The following CCSER1 variants were observed in gnomAD, a reference collection of about 807,000 sequenced individuals.
CCSER1 encodes coiled-coil serine rich protein 1, also known as serine-rich coiled-coil domain-containing protein 1.
A neutral mutation model predicts 82.0 loss-of-function variants in CCSER1; 41 were observed. That is an observed-to-expected ratio of 0.50 (90% CI 0.39 to 0.65). The LOEUF (loss-of-function observed/expected upper bound fraction) is 0.65. CCSER1 is among the 30% of genes least tolerant of loss of function. The pLI, the probability that CCSER1 is intolerant of heterozygous loss-of-function variation, is 0.00. For missense variants in CCSER1, 1,119 were observed against 1,064.2 expected (o/e 1.05, Z -0.72); for synonymous variants, 414 against 383.9 (o/e 1.08, Z -0.92).
At chr4:91,334,607 G>T (rs1747193180) in intron 10 of CCSER1, among the ~76,000 whole-genome samples, 1 of 151,866 alleles carries the variant, frequency 6.6e-6, no homozygotes, top group Non-Finnish European at 1.5e-5. Flanking sequence ...AAACATGGTG[G>T]TAGAGAACAC....
chr4:90,863,099 C>T (rs1410731239), intron 8 of CCSER1, among the ~76,000 whole-genome samples: 3 of 151,326 alleles, frequency 2.0e-5, no homozygotes, highest in Non-Finnish European at 4.4e-5. Flanking sequence ...CTCCCCCCAC[C>T]CCACAACAGT....
chr4:91,277,626 A>G (rs1235252537), intron 10 of CCSER1, among the ~76,000 whole-genome samples: 1 of 151,130 alleles, frequency 6.6e-6, no homozygotes, highest in African/African-American at 2.4e-5. Flanking sequence ...CTTTTTTAAA[A>G]AACAACTTTT....
At chr4:90,251,202 T>G (rs1722315483) in intron 1 of CCSER1, among the ~76,000 whole-genome samples, 1 of 151,932 alleles carries the variant, frequency 6.6e-6, no homozygotes, top group Non-Finnish European at 1.5e-5. Context: ...ATTCCTTTAT[T>G]TTATTTAAGT....
intron 9 of CCSER1, among the ~76,000 whole-genome samples, chr4:90,993,777 T>C (rs1737247437): frequency 6.6e-6 from 1 of 152,028 alleles, no homozygotes; most frequent in Admixed American, 6.6e-5. Flanking sequence ...AATTACTTCC[T>C]AGAAGTACCC....
intron 10 of CCSER1, among the ~76,000 whole-genome samples, chr4:91,122,871 T>C (rs561304623): frequency 1.3e-5 from 2 of 151,906 alleles, no homozygotes; most frequent in South Asian, 4.1e-4. Flanking sequence ...AAATTTCATC[T>C]TGAAGGAAGA....
chr4:90,979,717 C>T (rs1268533527), intron 9 of CCSER1, among the ~76,000 whole-genome samples: 1 of 151,786 alleles, frequency 6.6e-6, no homozygotes, highest in Non-Finnish European at 1.5e-5. Flanking sequence ...TTGTGGAAGG[C>T]ATGGCCATTG....
In CCSER1 at chr4:90,884,881, A is replaced by G. The variant is rs192845226; in HGVS notation, c.2095-38489A>G. ...TGAAGCAATGGGCAGATAAAGAAGG[A>G]TGATTTTTGAAATATAGGCAATAGA... On this transcript the variant is annotated intron_variant, in intron 8 of 10. Coordinates refer to ENST00000509176, the MANE Select transcript of CCSER1 (RefSeq NM_001145065.2). Among the ~76,000 whole-genome samples the G allele has an allele frequency of 6.3e-4, 96 of 152,228 alleles. 4 individuals are homozygous for G. In the East Asian group the frequency reaches 0.014, roughly 22 times the overall value.
intron 6 of CCSER1, among the ~76,000 whole-genome samples, chr4:90,710,044 G>A (rs528005547): frequency 6.6e-6 from 1 of 150,920 alleles, no homozygotes; most frequent in South Asian, 2.1e-4. Flanking sequence ...GATCAGTGAT[G>A]TTGAGCTTTT....
At chr4:91,121,058 T>G (rs184857135) in intron 10 of CCSER1, among the ~76,000 whole-genome samples, 1 of 151,886 alleles carries the variant, frequency 6.6e-6, no homozygotes, top group Non-Finnish European at 1.5e-5. Flanking sequence ...ACAGTTTCAA[T>G]TGGAAAATTT....
intron 5 of CCSER1, among the ~76,000 whole-genome samples, chr4:90,480,962 T>C (rs1765853432): frequency 3.3e-5 from 5 of 152,142 alleles, no homozygotes; most frequent in South Asian, 2.1e-4. Context: ...TATAAATTAG[T>C]TTGGGCAGTA....
At chr4:90,552,785 G>T (rs890144678) in intron 5 of CCSER1, among the ~76,000 whole-genome samples, 1 of 151,964 alleles carries the variant, frequency 6.6e-6, no homozygotes, top group Non-Finnish European at 1.5e-5. Flanking sequence ...AGCTTTTTGC[G>T]TACTAGTCTT....
At chr4:90,861,435 C>A (rs1341461685) in intron 8 of CCSER1, among the ~76,000 whole-genome samples, 1 of 151,636 alleles carries the variant, frequency 6.6e-6, no homozygotes, top group African/African-American at 2.4e-5. Context: ...TAGGATTATA[C>A]TTATTTTGCT....
At chr4:91,176,541 T>G (rs1408045536) in intron 10 of CCSER1, among the ~76,000 whole-genome samples, 1 of 152,194 alleles carries the variant, frequency 6.6e-6, no homozygotes, top group Non-Finnish European at 1.5e-5. Flanking sequence ...TCACATCCCT[T>G]GTAAGTTGGA....
At chr4:90,453,598 G>T (rs1761776107) in intron 4 of CCSER1, among the ~76,000 whole-genome samples, 1 of 152,072 alleles carries the variant, frequency 6.6e-6, no homozygotes, top group African/African-American at 2.4e-5. Context: ...GTTAATATTG[G>T]TCTCTACTAT....
intron 1 of CCSER1, among the ~76,000 whole-genome samples, chr4:90,150,619 C>T (rs540268058): frequency 6.9e-4 from 105 of 152,216 alleles, no homozygotes; most frequent in African/African-American, 2.5e-3. Context: ...TTATCAATGT[C>T]CTAAATGTAA....
chr4:91,014,945 A>G lies in CCSER1; in HGVS notation c.2173-71005A>G, dbSNP rs561012508. 5.9e-5 allele frequency among the ~76,000 whole-genome samples: 9 copies of G among 152,294 alleles called. No homozygotes were observed. In the East Asian group the frequency reaches 1.7e-3, roughly 29 times the overall value. On this transcript the variant is annotated intron_variant, in intron 9 of 10. Coordinates refer to ENST00000509176, the MANE Select transcript of CCSER1 (RefSeq NM_001145065.2). ...GAGAGAATCAAACCCATAGTTTATT[A>G]CAGTGGAAATTGTGCAGATAAATTA...
intron 4 of CCSER1, among the ~76,000 whole-genome samples, chr4:90,411,145 CA>C (rs1310936569): frequency 2.6e-5 from 4 of 151,934 alleles, no homozygotes; most frequent in Admixed American, 2.0e-4. Context: ...GCCTACCAAC[CA>C]AAAAAAGTCC....
intron 9 of CCSER1, among the ~76,000 whole-genome samples, chr4:91,002,558 T>C (rs546307207): frequency 6.6e-6 from 1 of 152,314 alleles, no homozygotes; most frequent in Non-Finnish European, 1.5e-5. Flanking sequence ...TCCAGAGCAT[T>C]TTGCATTTCT....
At chr4:90,905,180 T>C (rs1725274754) in intron 8 of CCSER1, among the ~76,000 whole-genome samples, 1 of 152,136 alleles carries the variant, frequency 6.6e-6, no homozygotes, top group East Asian at 1.9e-4. Context: ...CTTTCTCCGA[T>C]ATCATCCCTA....
Sources: allele counts gnomAD v4.1 joint callset (sites outside exome capture counted in the v4.1 genomes callset), GRCh38; gene constraint gnomAD v4.1.1; transcripts MANE v1.5; gene names NCBI Gene and HGNC (gene_info 2026-07-23, HGNC 2026-07-21).